Variants in TANC2 observed in about 807,000 individuals in gnomAD.
TANC2 encodes the protein protein TANC2.
A neutral mutation model predicts 210.5 loss-of-function variants in TANC2; 26 were observed. The observed-to-expected ratio is 0.12, with a 90% confidence interval of 0.09 to 0.17. TANC2 has a LOEUF of 0.17. TANC2 is among the 10% of genes least tolerant of loss of function. The pLI, the probability that TANC2 is intolerant of heterozygous loss-of-function variation, is 1.00. For synonymous variants in TANC2, 931 were observed against 967.1 expected (o/e 0.96, Z 0.69); for missense variants, 2,129 against 2,608.9 (o/e 0.82, Z 4.01).
chr17:63,325,845 C>G (rs1439450646), intron 11 of TANC2, among the ~76,000 whole-genome samples: 1 of 152,208 alleles, frequency 6.6e-6, no homozygotes, highest in East Asian at 1.9e-4. Context: ...TCCACCAATC[C>G]TCTAAGACAA....
chr17:63,408,679 C>T (rs2048593904), intron 21 of TANC2, among the ~76,000 whole-genome samples: 1 of 152,194 alleles, frequency 6.6e-6, no homozygotes, highest in Admixed American at 6.5e-5. Flanking sequence ...TTTCATCCTC[C>T]TGTGGGAAAC....
intron 2 of TANC2, among the ~76,000 whole-genome samples, chr17:63,013,420 A>G (rs1227572587): frequency 6.6e-6 from 1 of 151,980 alleles, no homozygotes; most frequent in Non-Finnish European, 1.5e-5. Flanking sequence ...CTAGATTTGT[A>G]CTGGTATGCC....
At chr17:63,031,849 G>A (rs894043484) in intron 2 of TANC2, among the ~76,000 whole-genome samples, 14 of 152,176 alleles carry the variant, frequency 9.2e-5, no homozygotes, top group African/African-American at 3.1e-4. Context: ...TACTAAGGGA[G>A]TTCCAAGGGA....
At chr17:63,395,718 C>G in intron 17 of TANC2, 25 bp from the exon 18 acceptor site, 1 of 1,608,498 alleles carries the variant, frequency 6.2e-7, no homozygotes, top group Non-Finnish European at 8.5e-7. Flanking sequence ...TGTGTTCACA[C>G]ATATCTCCTG....
rs772540956 is a variant in TANC2, at chr17:63,420,220, A to G, written c.4490A>G (p.Glu1497Gly). ...TACTCTGTACAGGATATATTCGAGG[A>G]GGAGTACCTGGAACAGGATGTTGAA... The change falls in exon 28 of 28, where the codon GAG becomes GGG. Residue 1497 changes from glutamate (E) to glycine (G), a missense_variant. By Grantham distance (98) the Glu-to-Gly change is moderately conservative. This residue lies in a region of TANC2 where 584 missense variants were observed against 627.3 expected (regional missense o/e 0.93). Coordinates refer to ENST00000689528, the Ensembl canonical transcript of TANC2. The surrounding 1 kb of genome is among the most constrained non-coding windows in gnomAD (Gnocchi z 4.2). 16 of 1,611,160 alleles carry G rather than the reference A, an allele frequency of 9.9e-6. No individual in the cohort carries two copies. In the South Asian group the frequency reaches 1.5e-4, roughly 16 times the overall value.
At chr17:63,425,757 A>G (rs995782267) in exon 28 of TANC2, 1 of 152,252 alleles carries the variant, frequency 6.6e-6, no homozygotes, top group African/African-American at 2.4e-5. Context: ...CTCTTTGAAC[A>G]CTACATGCTT....
At chr17:63,168,198 A>T (rs1460431728) in intron 5 of TANC2, among the ~76,000 whole-genome samples, 6 of 152,164 alleles carry the variant, frequency 3.9e-5, no homozygotes, top group Admixed American at 1.3e-4. Flanking sequence ...CAAGACTCTC[A>T]TATCTTCAAA....
chr17:63,282,723 T>C (rs754454389), intron 9 of TANC2, among the ~76,000 whole-genome samples: 25 of 152,122 alleles, frequency 1.6e-4, no homozygotes, highest in Non-Finnish European at 3.1e-4. Context: ...ACTTTTGATA[T>C]TCTACTACTA....
chr17:63,416,828 A>G (rs952150058), intron 26 of TANC2, among the ~76,000 whole-genome samples: 4 of 151,974 alleles, frequency 2.6e-5, no homozygotes, highest in South Asian at 2.1e-4. Context: ...AGGCCCCCCA[A>G]CCCCGGGAAG....
chr17:63,022,078 T>C (rs1018806478), intron 2 of TANC2, among the ~76,000 whole-genome samples: 1 of 151,996 alleles, frequency 6.6e-6, no homozygotes, highest in Non-Finnish European at 1.5e-5. Context: ...CGGTGGGTCA[T>C]ACCTGTAATC....
intron 2 of TANC2, among the ~76,000 whole-genome samples, chr17:63,067,933 A>G (rs777910645): frequency 6.6e-6 from 1 of 152,226 alleles, no homozygotes; most frequent in Admixed American, 6.5e-5. Flanking sequence ...CAAATTTGGT[A>G]AACAGCACAA....
chr17:63,278,575 A>G (rs978878805), intron 9 of TANC2, among the ~76,000 whole-genome samples: 3 of 152,150 alleles, frequency 2.0e-5, no homozygotes, highest in Non-Finnish European at 4.4e-5. Context: ...ATGGAGGTTC[A>G]TCAGATATTT....
chr17:63,034,493 T>C (rs1568333248), intron 2 of TANC2, among the ~76,000 whole-genome samples: 1 of 152,204 alleles, frequency 6.6e-6, no homozygotes, highest in Non-Finnish European at 1.5e-5. Flanking sequence ...AAATTTTGAC[T>C]TTTAAGTCAT....
At chr17:63,139,930 C>T (rs1265031142) in intron 4 of TANC2, among the ~76,000 whole-genome samples, 1 of 152,050 alleles carries the variant, frequency 6.6e-6, no homozygotes, top group East Asian at 1.9e-4. Flanking sequence ...CATGTTGGTA[C>T]CTGCACTGTT....
intron 1 of TANC2, among the ~76,000 whole-genome samples, chr17:62,982,804 C>T (rs1030829551): frequency 2.0e-5 from 3 of 152,212 alleles, no homozygotes; most frequent in Non-Finnish European, 4.4e-5. Context: ...GTTCTCCTAT[C>T]TGTTCCACTG....
At chr17:63,409,859 A>G (rs2048635109) in intron 21 of TANC2, among the ~76,000 whole-genome samples, 1 of 152,358 alleles carries the variant, frequency 6.6e-6, no homozygotes, top group African/African-American at 2.4e-5. Context: ...TGAAATGCTT[A>G]GTTATATATC....
chr17:63,047,812 A>G (rs959700697), intron 2 of TANC2, among the ~76,000 whole-genome samples: 7 of 152,186 alleles, frequency 4.6e-5, no homozygotes, highest in African/African-American at 1.2e-4. Flanking sequence ...AAAGCATACA[A>G]ATTTACTTAA....
rs1217626345 is a variant in TANC2, at chr17:63,405,174, G to A, written c.3384G>A (p.Leu1128=). 5 of 1,612,954 alleles carry A rather than the reference G, an allele frequency of 3.1e-6. No homozygotes were observed. The East Asian group carries it at 1.1e-4, about 36-fold the overall frequency. ...AACTGGAGGTGTGCCGTTTGCTCTT[G>A]GAACAAGGGGCGGCAGTGGCCCAGC... The change falls in exon 20 of 28, where the codon TTG becomes TTA. Residue 1128 remains leucine, a synonymous_variant. Coordinates refer to ENST00000689528, the Ensembl canonical transcript of TANC2.
chr17:63,197,355 T>C (rs183652599), intron 6 of TANC2, among the ~76,000 whole-genome samples: 13 of 152,302 alleles, frequency 8.5e-5, no homozygotes, highest in Non-Finnish European at 1.6e-4. Context: ...CAGTATAATA[T>C]ACACTGGAAC....
Sources: gnomAD v4.1 joint callset for allele counts (sites outside exome capture counted in the v4.1 genomes callset) on GRCh38, gnomAD v4.1.1 for gene constraint, gnomAD v4.1.1 regional missense constraint, Gnocchi (gnomAD v3.1) non-coding constraint, MANE v1.5 for transcripts, NCBI Gene and HGNC (gene_info 2026-07-23, HGNC 2026-07-21) for gene names.